TMEM272: variants seen among roughly 807,000 people sequenced by gnomAD.
TMEM272 encodes long intergenic non-protein coding RNA 282.
A neutral mutation model predicts 3.7 loss-of-function variants in TMEM272; 8 were observed. The ratio of observed to expected loss-of-function variants is 2.17; its 90% CI spans 1.27 to 3.91. The LOEUF is 3.91. Ranked by LOEUF, TMEM272 falls within the 30% of genes most tolerant of loss-of-function variation. The pLI is 0.00. For missense variants in TMEM272, 166 were observed against 91.5 expected (o/e 1.81, Z -3.32); for synonymous variants, 63 against 39.8 (o/e 1.58, Z -2.20).
the TMEM272 span, among the ~76,000 whole-genome samples, chr13:51,850,214 T>A: frequency 9.2e-5 from 14 of 152,330 alleles, no homozygotes; most frequent in East Asian, 2.7e-3. Flanking sequence ...TCAACTACAA[T>A]TTTACGTTGT....
the TMEM272 span, among the ~76,000 whole-genome samples, chr13:51,863,122 G>C: frequency 6.6e-6 from 1 of 152,238 alleles, no homozygotes; most frequent in Non-Finnish European, 1.5e-5. Context: ...AGTAGAGGAT[G>C]CGACATGTGC....
At chr13:51,932,564 C>T in the TMEM272 span, 2 of 152,234 alleles carry the variant, frequency 1.3e-5, no homozygotes, top group African/African-American at 4.8e-5. Context: ...ATCCTATCCT[C>T]CTCTGCCCCC....
At chr13:51,897,678 G>A in the TMEM272 span, among the ~76,000 whole-genome samples, 1 of 152,010 alleles carries the variant, frequency 6.6e-6, no homozygotes. Context: ...TGTAGTCCCA[G>A]TACTTTGGGA....
At chr13:51,818,937 G>T (rs1566333305) in intron 4 of TMEM272, among the ~76,000 whole-genome samples, 2 of 152,118 alleles carry the variant, frequency 1.3e-5, no homozygotes, top group South Asian at 4.1e-4. Flanking sequence ...GAATGAGAAG[G>T]GCAGTGGTCC....
chr13:51,836,584 T>C (rs1451601826), intron 2 of TMEM272, among the ~76,000 whole-genome samples: 1 of 152,218 alleles, frequency 6.6e-6, no homozygotes, highest in Non-Finnish European at 1.5e-5. Context: ...CGGCCACCTG[T>C]CCCTCACTGG....
chr13:51,851,285 G>A, the TMEM272 span, among the ~76,000 whole-genome samples: 1 of 151,904 alleles, frequency 6.6e-6, no homozygotes, highest in Non-Finnish European at 1.5e-5. Context: ...AGTGAGCCAT[G>A]ATCATGTCAC....
the TMEM272 span, among the ~76,000 whole-genome samples, chr13:51,914,404 G>A: frequency 4.6e-5 from 7 of 152,226 alleles, no homozygotes; most frequent in Admixed American, 2.6e-4. Context: ...TATGTCTGTC[G>A]CAATGGAAAC....
At chr13:51,901,575 T>C in the TMEM272 span, among the ~76,000 whole-genome samples, 1 of 152,128 alleles carries the variant, frequency 6.6e-6, no homozygotes, top group African/African-American at 2.4e-5. Flanking sequence ...CTTGGGTCAA[T>C]GGCATTACTA....
At chr13:51,831,008 G>C (rs1956168969) in intron 2 of TMEM272, among the ~76,000 whole-genome samples, 1 of 152,146 alleles carries the variant, frequency 6.6e-6, no homozygotes, top group Non-Finnish European at 1.5e-5. Context: ...CTTGCTCGAA[G>C]TCTAATGAGG....
At chr13:51,922,480 G>A in the TMEM272 span, among the ~76,000 whole-genome samples, 1 of 152,082 alleles carries the variant, frequency 6.6e-6, no homozygotes, top group Non-Finnish European at 1.5e-5. Context: ...TGTCACCCTG[G>A]CTGGAGCACA....
At chr13:51,863,345 C>T in the TMEM272 span, among the ~76,000 whole-genome samples, 2 of 152,108 alleles carry the variant, frequency 1.3e-5, no homozygotes, top group South Asian at 2.1e-4. Context: ...TGTGATAGGA[C>T]GAGAGAGTGT....
At chr13:51,891,982 G>A in the TMEM272 span, among the ~76,000 whole-genome samples, 1 of 152,186 alleles carries the variant, frequency 6.6e-6, no homozygotes, top group South Asian at 2.1e-4. Flanking sequence ...TGAAGATCAG[G>A]TGTATTAGTA....
the TMEM272 span, chr13:51,933,496 T>C: frequency 4.0e-4 from 61 of 152,344 alleles, no homozygotes; most frequent in African/African-American, 1.3e-3. Flanking sequence ...TCTACTAGTT[T>C]GCTCCCAAAG....
At chr13:51,823,956 T>G (rs1956101798) in intron 3 of TMEM272, among the ~76,000 whole-genome samples, 1 of 152,236 alleles carries the variant, frequency 6.6e-6, no homozygotes, top group African/African-American at 2.4e-5. Flanking sequence ...AATTTGTTAT[T>G]AAATGGAAAT....
intron 1 of TMEM272, among the ~76,000 whole-genome samples, chr13:51,844,050 A>ACTC (rs1956282990): frequency 6.6e-6 from 1 of 152,102 alleles, no homozygotes; most frequent in Non-Finnish European, 1.5e-5. Flanking sequence ...GGAGCAGGGC[A>ACTC]GTCCCCAACA....
chr13:51,849,675 C>T (rs983828599), upstream of TMEM272, among the ~76,000 whole-genome samples: 1 of 152,188 alleles, frequency 6.6e-6, no homozygotes, highest in African/African-American at 2.4e-5. Flanking sequence ...GCGGACACGC[C>T]GCTGTCAGGT....
chr13:51,933,469 C>G, the TMEM272 span: 1 of 152,138 alleles, frequency 6.6e-6, no homozygotes, highest in Admixed American at 6.5e-5. Context: ...AGGGTTTCAC[C>G]CAGAATTTAA....
the TMEM272 span, among the ~76,000 whole-genome samples, chr13:51,890,025 T>C: frequency 4.6e-5 from 7 of 152,048 alleles, no homozygotes; most frequent in Admixed American, 3.3e-4. Context: ...GACTCCTCCA[T>C]GGGGCGCAGT....
At chr13:51,898,859 A>G in the TMEM272 span, among the ~76,000 whole-genome samples, 9 of 151,968 alleles carry the variant, frequency 5.9e-5, no homozygotes, top group East Asian at 1.2e-3. Context: ...CTGATCTACC[A>G]CTCACTTGAT....
Sources: gnomAD v4.1 joint callset for allele counts (sites outside exome capture counted in the v4.1 genomes callset) on GRCh38, gnomAD v4.1.1 for gene constraint, MANE v1.5 for transcripts, NCBI Gene and HGNC (gene_info 2026-07-23, HGNC 2026-07-21) for gene names.